Variants in GALNT13 observed in about 807,000 individuals in gnomAD.
The protein encoded by GALNT13 is polypeptide N-acetylgalactosaminyltransferase 13, also known as UDP-GalNAc:polypeptide N-acetylgalactosaminyltransferase 13.
Under a neutral mutation model 64.2 loss-of-function variants are expected in GALNT13, and 28 were observed. The ratio of observed to expected loss-of-function variants is 0.44; its 90% CI spans 0.32 to 0.60. The LOEUF is 0.60. Ranked by LOEUF, GALNT13 falls within the 20% of genes least tolerant of loss-of-function variation. The pLI, the probability that GALNT13 is intolerant of heterozygous loss-of-function variation, is 0.05. For missense variants in GALNT13, 577 were observed against 669.8 expected (o/e 0.86, Z 1.53); for synonymous variants, 214 against 224.6 (o/e 0.95, Z 0.42).
chr2:153,932,934 A>C (rs951544171), intron 2 of GALNT13, among the ~76,000 whole-genome samples: 1 of 151,950 alleles, frequency 6.6e-6, no homozygotes, highest in African/African-American at 2.4e-5. Flanking sequence ...GGCCCGACAG[A>C]TCTTCTTAGT....
At chr2:153,416,243 T>C in the GALNT13 span, among the ~76,000 whole-genome samples, 1 of 152,260 alleles carries the variant, frequency 6.6e-6, no homozygotes, top group Admixed American at 6.5e-5. Context: ...CAAAGCCATG[T>C]GACTGCTTCT....
At chr2:154,300,502 T>C (rs1446390360) in intron 8 of GALNT13, among the ~76,000 whole-genome samples, 1 of 152,126 alleles carries the variant, frequency 6.6e-6, no homozygotes, top group East Asian at 1.9e-4. Context: ...AAAACCATGT[T>C]TTCCAAATTT....
chr2:153,146,397 T>C, the GALNT13 span, among the ~76,000 whole-genome samples: 1 of 151,890 alleles, frequency 6.6e-6, no homozygotes, highest in Admixed American at 6.6e-5. Flanking sequence ...TGAGCCAGAT[T>C]TCCCATTTAT....
intron 3 of GALNT13, among the ~76,000 whole-genome samples, chr2:154,127,083 T>A (rs909915537): frequency 1.3e-5 from 2 of 151,894 alleles, no homozygotes; most frequent in Admixed American, 6.6e-5. Context: ...CTATAAAATT[T>A]AAAAAAAAGT....
intron 9 of GALNT13, among the ~76,000 whole-genome samples, chr2:154,334,250 A>C (rs1260944642): frequency 6.6e-6 from 1 of 152,040 alleles, no homozygotes; most frequent in Non-Finnish European, 1.5e-5. Flanking sequence ...AACTTTTGAA[A>C]TCCCATTTTA....
intron 10 of GALNT13, 38 bp from the exon 11 acceptor site, chr2:154,408,946 T>A: frequency 1.6e-6 from 2 of 1,262,138 alleles, no homozygotes; most frequent in Non-Finnish European, 2.3e-6. Flanking sequence ...ACTGTCTGAT[T>A]TATGTTTTAT....
chr2:153,995,279 A>T (rs984199459), intron 3 of GALNT13, among the ~76,000 whole-genome samples: 7 of 152,156 alleles, frequency 4.6e-5, no homozygotes, highest in Non-Finnish European at 8.8e-5. Context: ...TTGCCTATTT[A>T]ATAAATAAAA....
At chr2:154,125,426 G>A (rs1433393715) in intron 3 of GALNT13, among the ~76,000 whole-genome samples, 1 of 151,924 alleles carries the variant, frequency 6.6e-6, no homozygotes, top group Non-Finnish European at 1.5e-5. Context: ...ACAAATACTT[G>A]TTGAATTGAA....
the GALNT13 span, among the ~76,000 whole-genome samples, chr2:153,401,088 C>G: frequency 3.8e-4 from 57 of 151,942 alleles, 1 homozygote; most frequent in African/African-American, 1.2e-3. Context: ...CCTCTACACA[C>G]TGCTTTGAAT....
the GALNT13 span, among the ~76,000 whole-genome samples, chr2:153,351,394 T>C: frequency 6.6e-6 from 1 of 152,156 alleles, no homozygotes; most frequent in African/African-American, 2.4e-5. Flanking sequence ...AGAACATGCA[T>C]AGCCTCTCCC....
chr2:153,163,820 C>T, the GALNT13 span, among the ~76,000 whole-genome samples: 26 of 152,000 alleles, frequency 1.7e-4, no homozygotes, highest in Non-Finnish European at 3.2e-4. Flanking sequence ...GAGATCGAGA[C>T]CATCCTGGCT....
the GALNT13 span, among the ~76,000 whole-genome samples, chr2:153,113,038 A>G: frequency 6.6e-6 from 1 of 152,152 alleles, no homozygotes; most frequent in South Asian, 2.1e-4. Flanking sequence ...GGTAGAAAGG[A>G]AGAGAGATGT....
chr2:154,190,494 T>C (rs1686515988), intron 4 of GALNT13, among the ~76,000 whole-genome samples: 1 of 152,204 alleles, frequency 6.6e-6, no homozygotes, highest in Non-Finnish European at 1.5e-5. Context: ...ACTTGAAAAG[T>C]GTATTTATTT....
chr2:153,676,987 C>T, the GALNT13 span, among the ~76,000 whole-genome samples: 6 of 152,022 alleles, frequency 3.9e-5, no homozygotes, highest in Non-Finnish European at 5.9e-5. Flanking sequence ...TGGCCACTCT[C>T]ATCAGTCTTA....
chr2:154,143,688 C>A lies in GALNT13; in HGVS notation c.311+3183C>A, dbSNP rs553143596. On this transcript the variant is annotated intron_variant, in intron 4 of 12. Coordinates refer to ENST00000392825, the MANE Select transcript of GALNT13 (RefSeq NM_052917.4). The stretch of plus-strand genomic sequence containing the variant: ...CCAACCTGGCCAACATGGTGAAACC[C>A]CGTCTCTACTACAAATACAAAAATT... 6.1e-4 allele frequency among the ~76,000 whole-genome samples: 92 copies of A among 151,542 alleles called. 2 individuals are homozygous for A. In the South Asian group the frequency reaches 0.019, roughly 31 times the overall value.
chr2:153,497,133 C>T, the GALNT13 span, among the ~76,000 whole-genome samples: 2 of 152,060 alleles, frequency 1.3e-5, no homozygotes, highest in Non-Finnish European at 2.9e-5. Context: ...TTAAAACATG[C>T]CTGTTGGCTT....
chr2:153,368,896 T>C, the GALNT13 span, among the ~76,000 whole-genome samples: 1 of 151,142 alleles, frequency 6.6e-6, no homozygotes, highest in Non-Finnish European at 1.5e-5. Context: ...ATATTGAATA[T>C]ACACTGAGAT....
At chr2:153,512,753 G>A in the GALNT13 span, among the ~76,000 whole-genome samples, 2 of 151,894 alleles carry the variant, frequency 1.3e-5, no homozygotes, top group Admixed American at 1.3e-4. Context: ...ATTTGCTTTT[G>A]AGGGGTAAAA....
At chr2:154,319,802 A>T (rs1694525394) in intron 9 of GALNT13, among the ~76,000 whole-genome samples, 1 of 152,028 alleles carries the variant, frequency 6.6e-6, no homozygotes, top group Non-Finnish European at 1.5e-5. Flanking sequence ...TAGAAATATT[A>T]CTCTTTTCAT....
Sources: allele counts gnomAD v4.1 joint callset (sites outside exome capture counted in the v4.1 genomes callset), GRCh38; gene constraint gnomAD v4.1.1; transcripts MANE v1.5; gene names NCBI Gene and HGNC (gene_info 2026-07-23, HGNC 2026-07-21).